Variants in DNM3 observed in about 807,000 individuals in gnomAD.
DNM3 encodes the protein dynamin 3.
DNM3 carries 47 observed loss-of-function variants against 101.6 expected under a neutral mutation model. That is an observed-to-expected ratio of 0.46 (90% CI 0.37 to 0.59). DNM3 has a LOEUF of 0.59. Ranked by LOEUF, DNM3 falls within the 20% of genes least tolerant of loss-of-function variation. The probability of loss-of-function intolerance (pLI) is 0.00; values close to 1 mark genes in which losing one functional copy is unlikely to be tolerated. For synonymous variants in DNM3, 385 were observed against 387.9 expected (o/e 0.99, Z 0.09); for missense variants, 849 against 1,085.7 (o/e 0.78, Z 3.06).
At chr1:171,933,083 A>G (rs1413577973) in intron 2 of DNM3, among the ~76,000 whole-genome samples, 1 of 152,156 alleles carries the variant, frequency 6.6e-6, no homozygotes, top group Admixed American at 6.5e-5. Flanking sequence ...TCTTCAGGGA[A>G]GACTTTCTGT....
chr1:172,040,684 G>A (rs929847856), intron 7 of DNM3, among the ~76,000 whole-genome samples: 2 of 152,104 alleles, frequency 1.3e-5, no homozygotes, highest in Non-Finnish European at 2.9e-5. Flanking sequence ...CAGGAAACAC[G>A]CTGAAGATGC....
rs750535337 is a variant in DNM3 at position 172,068,997 on chromosome 1, C to T, written c.1422+92C>T. On this transcript the variant is annotated intron_variant, in intron 11 of 20. Coordinates refer to ENST00000627582, the MANE Select transcript of DNM3 (RefSeq NM_015569.5). ...TGGTAGTTCCCAACAGTCAGCCTGT[C>T]GCTTAAAGGAAAAAAAAATAGTGGA... 2.1e-5 allele frequency: 22 copies of T among 1,070,400 alleles called. No homozygotes were observed. In the Admixed American group the frequency reaches 3.8e-4, roughly 19 times the overall value. The allele number at this position is 1,070,400 out of a possible 1,614,324, so 66.3% of individuals were successfully genotyped here. A position where few individuals can be genotyped will look rare whatever the true frequency, so the allele number is the denominator to read the frequency against.
intron 17 of DNM3, among the ~76,000 whole-genome samples, chr1:172,354,108 T>TGAGAGAGAGAGAGAGAGA (rs1181407960): frequency 1.7e-3 from 51 of 30,808 alleles, no homozygotes; most frequent in Admixed American, 7.4e-3. Flanking sequence ...TGTGTGTGTG[T>TGAGAGAGAGAGAGAGAGA]GTGTGAGAGA....
chr1:172,076,667 G>A (rs1037347886), intron 11 of DNM3, among the ~76,000 whole-genome samples: 5 of 152,064 alleles, frequency 3.3e-5, no homozygotes, highest in Non-Finnish European at 7.4e-5. Flanking sequence ...GGATGAAGCC[G>A]ACTTGATCAT....
At chr1:172,238,948 T>G (rs1179597152) in intron 14 of DNM3, among the ~76,000 whole-genome samples, 9 of 152,204 alleles carry the variant, frequency 5.9e-5, no homozygotes, top group Non-Finnish European at 1.2e-4. Flanking sequence ...ATTGCGGAAT[T>G]TTCAATTTTC....
At chr1:172,326,534 C>A (rs1332123637) in intron 17 of DNM3, among the ~76,000 whole-genome samples, 1 of 151,604 alleles carries the variant, frequency 6.6e-6, no homozygotes, top group African/African-American at 2.4e-5. Flanking sequence ...AGAATGGAGG[C>A]CTTAGGTAAA....
intron 14 of DNM3, among the ~76,000 whole-genome samples, chr1:172,193,982 T>C (rs2059844378): frequency 6.6e-6 from 1 of 152,206 alleles, no homozygotes; most frequent in African/African-American, 2.4e-5. Flanking sequence ...TCTCCTGCTT[T>C]CTCTTGTGGG....
At chr1:172,059,456 G>A (rs1348896261) in intron 10 of DNM3, among the ~76,000 whole-genome samples, 1 of 112,776 alleles carries the variant, frequency 8.9e-6, no homozygotes, top group Non-Finnish European at 1.8e-5. Flanking sequence ...ATAAAATACT[G>A]GCAAACTGAA....
intron 14 of DNM3, among the ~76,000 whole-genome samples, chr1:172,144,147 A>T (rs902163628): frequency 1.3e-5 from 2 of 152,022 alleles, no homozygotes; most frequent in African/African-American, 4.8e-5. Context: ...TGAAGTGGGA[A>T]AACCTTTAAG....
At chr1:172,268,119 A>C (rs2062940305) in intron 15 of DNM3, among the ~76,000 whole-genome samples, 1 of 152,194 alleles carries the variant, frequency 6.6e-6, no homozygotes, top group Non-Finnish European at 1.5e-5. Context: ...TATTAAGTTC[A>C]CAGGGCTCAG....
At chr1:172,007,222 G>A (rs1333555753) in intron 4 of DNM3, among the ~76,000 whole-genome samples, 2 of 152,178 alleles carry the variant, frequency 1.3e-5, no homozygotes, top group East Asian at 3.9e-4. Flanking sequence ...CTACTAAGCT[G>A]TTCTCCAAAA....
chr1:172,132,455 A>G (rs1234219527), intron 14 of DNM3, among the ~76,000 whole-genome samples: 1 of 152,184 alleles, frequency 6.6e-6, no homozygotes, highest in African/African-American at 2.4e-5. Context: ...GAGGGTTAGC[A>G]GTGGTTTCTT....
chr1:172,087,489 G>A (rs1175019773), intron 12 of DNM3, among the ~76,000 whole-genome samples: 1 of 152,122 alleles, frequency 6.6e-6, no homozygotes, highest in Non-Finnish European at 1.5e-5. Context: ...TCCTAGAGAA[G>A]CCTCAACCTT....
chr1:172,181,063 T>C (rs2148392077), intron 14 of DNM3, among the ~76,000 whole-genome samples: 1 of 152,188 alleles, frequency 6.6e-6, no homozygotes, highest in East Asian at 1.9e-4. Flanking sequence ...GCTCATAATC[T>C]GGACTGTGAG....
At chr1:172,339,094 C>G (rs1436825184) in intron 17 of DNM3, 2 of 482,118 alleles carry the variant, frequency 4.1e-6, no homozygotes, top group South Asian at 1.5e-5. Flanking sequence ...GGGGGAACAT[C>G]TCACTGTGAA....
At position 172,322,970 on chromosome 1, in the gene DNM3, C is replaced by T. The variant is rs182298348; in HGVS notation, c.1882-359C>T. ...GGCACACAAAATGCTCTGCCTTTCA[C>T]GCTAACAGTTCACTTATTACTGATT... On this transcript the variant is annotated intron_variant, in intron 16 of 20. Transcript: ENST00000627582. Among the ~76,000 whole-genome samples the T allele has an allele frequency of 3.0e-3, 457 of 152,268 alleles. 1 individual carries two copies. The highest frequency in any genetic ancestry group is 0.01 in the African/African-American group (428 of 41,546).
At chr1:172,252,579 G>A (rs9633301) in intron 14 of DNM3, among the ~76,000 whole-genome samples, 3 of 151,706 alleles carry the variant, frequency 2.0e-5, no homozygotes, top group Non-Finnish European at 4.4e-5. Context: ...CTCTTTCACG[G>A]GTAACACCAG....
intron 2 of DNM3, among the ~76,000 whole-genome samples, chr1:171,947,448 A>G (rs2042240840): frequency 6.6e-6 from 1 of 152,166 alleles, no homozygotes; most frequent in African/African-American, 2.4e-5. Context: ...ATATTTTTTA[A>G]AAATGTTACT....
chr1:171,936,131 C>T (rs1367411982), intron 2 of DNM3, among the ~76,000 whole-genome samples: 1 of 151,588 alleles, frequency 6.6e-6, no homozygotes, highest in East Asian at 1.9e-4. Flanking sequence ...CCAAGGTGGG[C>T]AAATTACTTG....
Sources: gnomAD v4.1 joint callset for allele counts (sites outside exome capture counted in the v4.1 genomes callset) on GRCh38, gnomAD v4.1.1 for gene constraint, MANE v1.5 for transcripts, NCBI Gene and HGNC (gene_info 2026-07-23, HGNC 2026-07-21) for gene names.